IGSF3: variants seen among roughly 807,000 people sequenced by gnomAD.
IGSF3 encodes glu-Trp-Ile EWI motif-containing protein 3.
In IGSF3, 23 loss-of-function variants were observed where a neutral mutation model predicts 114.4. The ratio of observed to expected loss-of-function variants is 0.20; its 90% CI spans 0.14 to 0.28. The LOEUF (loss-of-function observed/expected upper bound fraction) is 0.28, where lower values mean the gene tolerates loss of function less well. IGSF3 is among the 10% of genes least tolerant of loss of function. The pLI is 1.00. For synonymous variants in IGSF3, 571 were observed against 645.2 expected (o/e 0.88, Z 1.74); for missense variants, 1,172 against 1,591.5 (o/e 0.74, Z 4.48).
chr1:116,635,544 A>C (rs4044756), intron 2 of IGSF3, among the ~76,000 whole-genome samples: 1 of 152,238 alleles, frequency 6.6e-6, no homozygotes, highest in Non-Finnish European at 1.5e-5. Context: ...CTCCCAGTAC[A>C]TCATCCTTTC....
At chr1:116,580,317 C>T (rs541188938) in intron 9 of IGSF3, among the ~76,000 whole-genome samples, 69 of 152,288 alleles carry the variant, frequency 4.5e-4, no homozygotes, top group African/African-American at 1.3e-3. Flanking sequence ...ACTTTGCAGA[C>T]GTAATTAGCA....
In IGSF3 at chr1:116,658,385, A is replaced by G. The variant is rs537118583; in HGVS notation, c.43+7899T>C. ...TACAGAAGCTCTTGCTTTGGTACAG[A>G]AACAGGCCCCCCTTTGCTTCGACCT... is the stretch of plus-strand genomic sequence containing the variant. On this transcript the variant is annotated intron_variant, in intron 2 of 10. Coordinates refer to ENST00000369486, the MANE Select transcript of IGSF3 (RefSeq NM_001007237.3). Among the ~76,000 whole-genome samples the G allele has an allele frequency of 2.6e-5, 4 of 152,150 alleles. No individual in the cohort carries two copies. The South Asian group carries it at 6.2e-4, about 24-fold the overall frequency.
At position 116,584,652 on chromosome 1, in the gene IGSF3, C is replaced by T; in HGVS notation, c.2841G>A (p.Met947Ile). Residue 947 changes from methionine (M) to isoleucine (I), a missense_variant, in exon 9 of 11, where the codon ATG becomes ATA. By Grantham distance (10) the Met-to-Ile change is conservative. Transcript: ENST00000369486. This position sits in a 1 kb window ranked among gnomAD's most constrained non-coding sequence, Gnocchi z 5.8. Reference sequence around the variant, plus strand: ...GGGGACGTGGACCCTCACCTGGTCGCATGACTGTCAGAGCTGTCTGCCCAG... The same window carrying T: ...GGGGACGTGGACCCTCACCTGGTCGTATGACTGTCAGAGCTGTCTGCCCAG... Reference protein sequence around the residue: ...DTAGQTALTVMRPDASLQVDT... With the variant: ...DTAGQTALTVIRPDASLQVDT... 6.2e-7 allele frequency: 1 copy of T among 1,614,192 alleles called. No homozygotes were observed.
At position 116,616,383 on chromosome 1, in the gene IGSF3, T is replaced by C. The variant is rs546662723; in HGVS notation, c.118A>G (p.Ile40Val). The C allele has an allele frequency of 2.3e-5, 37 of 1,611,356 alleles. No homozygotes were observed. The African/African-American group carries it at 4.3e-4, about 19-fold the overall frequency. Residue 40 changes from isoleucine (I) to valine (V), a missense_variant, in exon 3 of 11, where the codon ATC (isoleucine) becomes GTC (valine). Ile to Val is a conservative substitution (Grantham distance 29). Coordinates refer to ENST00000369486, the MANE Select transcript of IGSF3 (RefSeq NM_001007237.3). The surrounding 1 kb of genome is among the most constrained non-coding windows in gnomAD (Gnocchi z 6.6). ...TGGTAGCCACTCACATTGCACCAGA[T>C]AGTGATGTGGGAGCCCTCCGTGCGG... ...LYRTEGSHIT[I>V]WCNVSGYQGP...
chr1:116,666,032 C>T (rs763031698), intron 2 of IGSF3, among the ~76,000 whole-genome samples: 16 of 152,186 alleles, frequency 1.1e-4, no homozygotes, highest in Non-Finnish European at 1.2e-4. Context: ...TGCAGGACCT[C>T]ACCCCAGGGG....
rs903549307 is a variant in IGSF3 at position 116,610,979 on chromosome 1, T to C, written c.833-2648A>G. Among the ~76,000 whole-genome samples, 3 of 152,188 alleles carry C rather than the reference T, an allele frequency of 2.0e-5. No homozygotes were observed. Among genetic ancestry groups the C allele is most frequent in the African/African-American group, 7.2e-5 (3 of 41,444 alleles). On this transcript the variant is annotated intron_variant, in intron 4 of 10. Coordinates refer to ENST00000369486, the MANE Select transcript of IGSF3 (RefSeq NM_001007237.3). This position sits in a 1 kb window ranked among gnomAD's most constrained non-coding sequence, Gnocchi z 4.3. ...ATTATTGTTCCTTCCCTCCCACAGT[T>C]CAAGGAACCCCCAGAGCCCCAGTCC...
chr1:116,586,880 G>A (rs1052395982), intron 8 of IGSF3, among the ~76,000 whole-genome samples: 2 of 152,124 alleles, frequency 1.3e-5, no homozygotes, highest in African/African-American at 2.4e-5. Context: ...AAAGCCCCAG[G>A]GACTGGCCTG....
At chr1:116,659,879 C>CA (rs941401236) in intron 2 of IGSF3, among the ~76,000 whole-genome samples, 2 of 152,194 alleles carry the variant, frequency 1.3e-5, no homozygotes, top group African/African-American at 4.8e-5. Flanking sequence ...CTCAGCCTCC[C>CA]AAAGTGCTAG....
At chr1:116,631,206 T>C (rs1302144553) in intron 2 of IGSF3, among the ~76,000 whole-genome samples, 1 of 139,098 alleles carries the variant, frequency 7.2e-6, no homozygotes, top group Admixed American at 7.2e-5. Flanking sequence ...TAGTCCCAGC[T>C]ACTTGAGAGG....
chr1:116,575,685 T>A lies in IGSF3; in HGVS notation c.*1627A>T, dbSNP rs1385551912. 1 of 152,254 alleles carries A rather than the reference T, an allele frequency of 6.6e-6. No homozygotes were observed. The highest frequency in any genetic ancestry group is 1.5e-5 in the Non-Finnish European group (1 of 68,048). The allele number at this position is 152,254 out of a possible 1,614,324, so 9.4% of individuals were successfully genotyped here. On this transcript the variant is annotated 3_prime_UTR_variant, in exon 11 of 11. Coordinates refer to ENST00000369486, the MANE Select transcript of IGSF3 (RefSeq NM_001007237.3). This position sits in a 1 kb window ranked among gnomAD's most constrained non-coding sequence, Gnocchi z 5.6. Reference sequence around the variant, plus strand: ...AGTTCCCAGAGTAAAGGAGATGGCATGCTTGGCCAGAAAAATATGGGAAAG... The same window carrying A: ...AGTTCCCAGAGTAAAGGAGATGGCAAGCTTGGCCAGAAAAATATGGGAAAG...
Position 116,607,831 on chromosome 1 carries a change from C to G in IGSF3, c.1222+111G>C, listed in dbSNP as rs1660846644. ...TTTTCCCCCAGCTCTGCATTAACCT[C>G]GAGGGTTCCATCTGCCTCCCCTCAC... On this transcript the variant is annotated intron_variant, in intron 5 of 10. Transcript: ENST00000369486. This position sits in a 1 kb window ranked among gnomAD's most constrained non-coding sequence, Gnocchi z 6.1. 9.3e-7 allele frequency: 1 copy of G among 1,079,632 alleles called. No homozygotes were observed. The allele number at this position is 1,079,632 out of a possible 1,614,324, so 66.9% of individuals were successfully genotyped here.
intron 2 of IGSF3, among the ~76,000 whole-genome samples, chr1:116,637,730 C>T (rs936057335): frequency 6.6e-6 from 1 of 152,192 alleles, no homozygotes; most frequent in Non-Finnish European, 1.5e-5. Context: ...ATCAACAGGG[C>T]CAGACCATCA....
At chr1:116,606,092 C>T (rs200125291) in intron 5 of IGSF3, among the ~76,000 whole-genome samples, 4 of 152,116 alleles carry the variant, frequency 2.6e-5, no homozygotes, top group Admixed American at 6.5e-5. Flanking sequence ...AAAAGGCAGC[C>T]GACAATTTTA....
rs56982445 is a variant in IGSF3 at position 116,579,666 on chromosome 1, GTCCTCC to G, written c.3054_3059del (p.Glu1018_Glu1019del). 2.8e-5 allele frequency: 45 copies of G among 1,594,628 alleles called. No homozygotes were observed. In the African/African-American group the frequency reaches 5.0e-4, roughly 18 times the overall value. On this transcript the variant is annotated inframe_deletion, in exon 10 of 11. Coordinates refer to ENST00000369486, the MANE Select transcript of IGSF3 (RefSeq NM_001007237.3). This position sits in a 1 kb window ranked among gnomAD's most constrained non-coding sequence, Gnocchi z 6.4. Reference sequence around the variant, plus strand: ...CTGTTGGGTCGTCGTCGTCGTCGTCGTCCTCCTCCTCCTCCTCCTCCCTTTCCTCTT... The same window carrying G: ...CTGTTGGGTCGTCGTCGTCGTCGTCGTCCTCCTCCTCCTCCCTTTCCTCTT...
At position 116,604,576 on chromosome 1, in the gene IGSF3, G is replaced by T. The variant is rs183350845; in HGVS notation, c.1223-551C>A. ...GACGATAACGTGTGCTTAAGTGTGG[G>T]TAATAAGGGAGCACAGATGGTCTAG... On this transcript the variant is annotated intron_variant, in intron 5 of 10. Transcript: ENST00000369486. Among the ~76,000 whole-genome samples the T allele has an allele frequency of 1.5e-3, 229 of 152,324 alleles. 1 individual carries two copies. The highest frequency in any genetic ancestry group is 5.4e-3 in the African/African-American group (225 of 41,570).
chr1:116,637,319 A>T (rs1194823239), intron 2 of IGSF3, among the ~76,000 whole-genome samples: 1 of 152,178 alleles, frequency 6.6e-6, no homozygotes, highest in African/African-American at 2.4e-5. Context: ...CCAATCTCTT[A>T]TTTATTCAAT....
In IGSF3 at chr1:116,661,523, C is replaced by T. The variant is rs954605971; in HGVS notation, c.43+4761G>A. On this transcript the variant is annotated intron_variant, in intron 2 of 10. Transcript: ENST00000369486. The surrounding 1 kb of genome is among the most constrained non-coding windows in gnomAD (Gnocchi z 4.0). ...ATTATATGCTGATTTAGGTTGCTTC[C>T]TATGAAACAAACGTTGGTTCATCTA... 2.0e-5 allele frequency among the ~76,000 whole-genome samples: 3 copies of T among 152,202 alleles called. No individual in the cohort carries two copies. Among genetic ancestry groups the T allele is most frequent in the African/African-American group, 7.2e-5 (3 of 41,450 alleles).
chr1:116,604,594 T>C (rs1056388875), intron 5 of IGSF3, among the ~76,000 whole-genome samples: 2 of 152,228 alleles, frequency 1.3e-5, no homozygotes, highest in African/African-American at 4.8e-5. Flanking sequence ...GGAGCACAGA[T>C]GGTCTAGTTT....
rs774112992 is a variant in IGSF3 at position 116,616,290 on chromosome 1, T to C, written c.211A>G (p.Ile71Val). ...AAGGAAGAGTCCATGGTGCTGACGA[T>C]CTGCACCTCTCGCTCTGGCGACGAA... ...LPSSPEREVQ[I>V]VSTMDSSFPY... Residue 71 changes from isoleucine to valine, a missense_variant, in exon 3 of 11, where the codon ATC becomes GTC. Around this residue, in one of 3 missense-constraint regions of IGSF3, gnomAD observed 736 missense variants for 1,042.0 expected, o/e 0.71. Transcript: ENST00000369486. This position sits in a 1 kb window ranked among gnomAD's most constrained non-coding sequence, Gnocchi z 6.6. 7.9e-5 allele frequency: 128 copies of C among 1,611,916 alleles called. No homozygotes were observed. The highest frequency in any genetic ancestry group is 1.0e-4 in the Non-Finnish European group (121 of 1,179,694).
Sources: gnomAD v4.1 joint callset for allele counts (sites outside exome capture counted in the v4.1 genomes callset) on GRCh38, gnomAD v4.1.1 for gene constraint, gnomAD v4.1.1 regional missense constraint, Gnocchi (gnomAD v3.1) non-coding constraint, MANE v1.5 for transcripts, NCBI Gene and HGNC (gene_info 2026-07-23, HGNC 2026-07-21) for gene names.